RREB1: variants seen among roughly 807,000 people sequenced by gnomAD.
RREB1 encodes the protein ras-responsive element-binding protein 1.
In RREB1, 27 loss-of-function variants were observed where a neutral mutation model predicts 117.8. That is an observed-to-expected ratio of 0.23 (90% CI 0.17 to 0.32). The LOEUF (loss-of-function observed/expected upper bound fraction) is 0.32, where lower values mean the gene tolerates loss of function less well. Ranked by LOEUF, RREB1 falls within the 10% of genes least tolerant of loss-of-function variation. The pLI is 1.00. For missense variants in RREB1, 2,577 were observed against 2,378.2 expected, an observed-to-expected ratio of 1.08 and a Z score of -1.74; for synonymous variants, 1,298 against 1,026.7, an observed-to-expected ratio of 1.26 and a Z score of -5.05.
rs141939002 is a variant in RREB1 at position 7,230,351 on chromosome 6, C to G, written c.2252C>G (p.Pro751Arg). Residue 751 changes from proline (P) to arginine (R), a missense_variant, in exon 10 of 13, where the codon CCG becomes CGG. Coordinates refer to ENST00000379938, the MANE Select transcript of RREB1 (RefSeq NM_001003699.4). ...GAGCTGGTGGACGCCTTCTGCGCCC[C>G]GGACACCGTGTGCCGGCTGTGCGGC... is the stretch of plus-strand genomic sequence containing the variant. ...AAELVDAFCA[P>R]DTVCRLCGED... The G allele has an allele frequency of 1.3e-6, 2 of 1,591,180 alleles. No individual in the cohort carries two copies. The highest frequency in any genetic ancestry group is 1.7e-6 in the Non-Finnish European group (2 of 1,173,700).
rs1479127617 is a variant in RREB1, at chr6:7,246,444, A to C, written c.3994A>C (p.Thr1332Pro). The change falls in exon 12 of 13, where the codon ACT becomes CCT. Residue 1332 changes from threonine (T) to proline (P), a missense_variant. By Grantham distance (38) the Thr-to-Pro change is conservative. Transcript: ENST00000379938. Reference protein sequence around the residue: ...DSTDSQSDAETAAAAGEVLDL... With the variant: ...DSTDSQSDAEPAAAAGEVLDL... ...CACAGACAGTCAGTCGGATGCGGAG[A>C]CTGCAGCCGCCGCGGGCGAAGTGCT... 2 of 1,497,268 alleles carry C rather than the reference A, an allele frequency of 1.3e-6. No individual in the cohort carries two copies. The highest frequency in any genetic ancestry group is 2.6e-5 in the South Asian group (2 of 77,680). 92.7% of individuals were successfully genotyped at this position (1,497,268 alleles called of 1,614,324 possible). A position where few individuals can be genotyped will look rare whatever the true frequency, so the allele number is the denominator to read the frequency against.
At position 7,117,388 on chromosome 6, in the gene RREB1, G is replaced by GTTTTTTTTT. The variant is rs70978941; in HGVS notation, c.-285+9357_-285+9365dup. ...GGTGAACCATGTGAATAGGTTTCCT[G>GTTTTTTTTT]TTTTTTTTTTTTTTTTTTTTTTTTT... On this transcript the variant is annotated intron_variant, in intron 1 of 12. Transcript: ENST00000379938. 1.0e-3 allele frequency among the ~76,000 whole-genome samples: 64 copies of GTTTTTTTTT among 63,290 alleles called. 6 individuals are homozygous for GTTTTTTTTT. The highest frequency in any genetic ancestry group is 3.1e-3 in the East Asian group (3 of 976). The allele number at this position is 63,290 out of a possible 152,430, so 41.5% of individuals were successfully genotyped here.
In RREB1 at chr6:7,121,390, T is replaced by C. The variant is rs7356871; in HGVS notation, c.-285+13330T>C. On this transcript the variant is annotated intron_variant, in intron 1 of 12. Transcript: ENST00000379938. ...GACTCTCACAGTGGCTCAAACCTTT[T>C]ACTTAGGAGCATCAGAACTCATTTC... Among the ~76,000 whole-genome samples the C allele has an allele frequency of 4.4e-3, 677 of 152,302 alleles. 5 individuals carry two copies. Among genetic ancestry groups the C allele is most frequent in the Middle Eastern group, 0.017 (5 of 294 alleles).
At position 7,248,566 on chromosome 6, in the gene RREB1, C is replaced by T. The variant is rs751916367; in HGVS notation, c.4827C>T (p.Ser1609=). Reference sequence around the variant, plus strand: ...AGCGAACCTTCACCTTGAAGCACAGCCTGGTTCGCCACCAGCGGATCCACC... The same window carrying T: ...AGCGAACCTTCACCTTGAAGCACAGTCTGGTTCGCCACCAGCGGATCCACC... The part of the protein sequence containing the change: ...TCERTFTLKH[S]LVRHQRIHQK... The change falls in exon 13 of 13, where the codon AGC becomes AGT. Residue 1609 remains serine, a synonymous_variant. Transcript: ENST00000379938. 1 of 1,614,278 alleles carries T rather than the reference C, an allele frequency of 6.2e-7. No individual in the cohort carries two copies.
intron 1 of RREB1, among the ~76,000 whole-genome samples, chr6:7,127,574 A>G (rs1451374480): frequency 6.6e-6 from 1 of 152,174 alleles, no homozygotes; most frequent in African/African-American, 2.4e-5. Context: ...TCATTTCTCA[A>G]AAATATTGAG....
chr6:7,159,190 A>C (rs1000038055), intron 1 of RREB1, among the ~76,000 whole-genome samples: 15 of 152,194 alleles, frequency 9.9e-5, no homozygotes, highest in African/African-American at 3.4e-4. Context: ...TGCAAAACAA[A>C]CATTCTCCGT....
rs1561805018 is a variant in RREB1 at position 7,240,475 on chromosome 6, C to T, written c.3846C>T (p.Phe1282=). 9 of 1,613,950 alleles carry T rather than the reference C, an allele frequency of 5.6e-6. No homozygotes were observed. Among genetic ancestry groups the T allele is most frequent in the Non-Finnish European group, 7.6e-6 (9 of 1,179,946 alleles). Residue 1282 remains phenylalanine, a synonymous_variant, in exon 11 of 13, where the codon TTC becomes TTT. Coordinates refer to ENST00000379938, the MANE Select transcript of RREB1 (RefSeq NM_001003699.4). ...KPFPCQKCDA[F]FSTKSNCERH... is the part of the protein sequence containing the mutation. Reference sequence around the variant, plus strand: ...TCCCTTGTCAAAAATGCGATGCCTTCTTTTCTACCAAATCTAACTGTGAAC... The same window carrying T: ...TCCCTTGTCAAAAATGCGATGCCTTTTTTTCTACCAAATCTAACTGTGAAC...
chr6:7,111,507 GGA>G (rs1284570213), intron 1 of RREB1, among the ~76,000 whole-genome samples: 1 of 152,162 alleles, frequency 6.6e-6, no homozygotes, highest in African/African-American at 2.4e-5. Flanking sequence ...GAAGGTCATA[GGA>G]TAAGGGTTGC....
In RREB1 at chr6:7,250,739, C is replaced by T. The variant is rs1769372903; in HGVS notation, c.*1771C>T. On this transcript the variant is annotated 3_prime_UTR_variant, in exon 13 of 13. Transcript: ENST00000379938. ...CGCCACTTCACCAGTTTCTGAAATC[C>T]AACCTCCCAGACTTCACAGGAAGAT... 6.6e-6 allele frequency: 1 copy of T among 152,118 alleles called. No individual in the cohort carries two copies. Among genetic ancestry groups the T allele is most frequent in the Non-Finnish European group, 1.5e-5 (1 of 68,016 alleles). The allele number at this position is 152,118 out of a possible 1,614,324, so 9.4% of individuals were successfully genotyped here. A position where few individuals can be genotyped will look rare whatever the true frequency, so the allele number is the denominator to read the frequency against.
intron 1 of RREB1, among the ~76,000 whole-genome samples, chr6:7,142,720 G>A (rs918772009): frequency 2.0e-4 from 30 of 152,328 alleles, no homozygotes; most frequent in African/African-American, 7.2e-4. Context: ...GGGCAGGGAG[G>A]ACCCCAGCAC....
intron 1 of RREB1, among the ~76,000 whole-genome samples, chr6:7,108,309 C>T (rs1386319329): frequency 2.0e-5 from 3 of 149,534 alleles, no homozygotes; most frequent in African/African-American, 4.9e-5. Context: ...GGCTGCGCGC[C>T]GGGCCATTCC....
At chr6:7,240,956 A>T (rs1768669600) in intron 11 of RREB1, among the ~76,000 whole-genome samples, 1 of 152,176 alleles carries the variant, frequency 6.6e-6, no homozygotes, top group Non-Finnish European at 1.5e-5. Flanking sequence ...GTATGAACTC[A>T]TCTAAAGGGG....
At chr6:7,193,042 A>G (rs1396173890) in intron 6 of RREB1, among the ~76,000 whole-genome samples, 2 of 152,082 alleles carry the variant, frequency 1.3e-5, no homozygotes, top group Non-Finnish European at 2.9e-5. Flanking sequence ...TCTTTGACCC[A>G]TTGGTTATTT....
At chr6:7,240,960 A>G (rs1258908956) in intron 11 of RREB1, among the ~76,000 whole-genome samples, 1 of 152,096 alleles carries the variant, frequency 6.6e-6, no homozygotes, top group Non-Finnish European at 1.5e-5. Flanking sequence ...GAACTCATCT[A>G]AAGGGGATGT....
At chr6:7,117,398 T>G (rs1263601725) in intron 1 of RREB1, among the ~76,000 whole-genome samples, 349 of 29,470 alleles carry the variant, frequency 0.012, 4 homozygotes, top group Middle Eastern at 0.031. Context: ...GTTTTTTTTT[T>G]TTTTTTTTTT....
Position 7,246,812 on chromosome 6 carries a change from G to A in RREB1, c.4362G>A (p.Gly1454=). 2 of 1,553,896 alleles carry A rather than the reference G, an allele frequency of 1.3e-6. No homozygotes were observed. The highest frequency in any genetic ancestry group is 1.7e-6 in the Non-Finnish European group (2 of 1,149,132). The change falls in exon 12 of 13, where the codon GGG becomes GGA. Residue 1454 remains glycine (G), a synonymous_variant. Transcript: ENST00000379938. ...QEQKLACDTC[G]KSFKFLGTLS... Reference sequence around the variant, plus strand: ...AGAAGCTCGCCTGCGACACCTGTGGGAAGAGCTTCAAGTTCCTGGGCACCC... The same window carrying A: ...AGAAGCTCGCCTGCGACACCTGTGGAAAGAGCTTCAAGTTCCTGGGCACCC...
chr6:7,216,015 G>A (rs992951613), intron 8 of RREB1: 6 of 152,234 alleles, frequency 3.9e-5, no homozygotes, highest in Admixed American at 1.3e-4. Flanking sequence ...GGTGAAACTC[G>A]GCCAAAGTTA....
Position 7,229,270 on chromosome 6 carries a change from A to G in RREB1, c.1171A>G (p.Ile391Val), listed in dbSNP as rs754042440. The change falls in exon 10 of 13, where the codon ATT becomes GTT. Residue 391 changes from isoleucine (I) to valine (V), a missense_variant. Ile to Val is a conservative substitution (Grantham distance 29). Transcript: ENST00000379938. This position sits in a 1 kb window ranked among gnomAD's most constrained non-coding sequence, Gnocchi z 4.5. ...EEPLPDDNQA[I>V]QLQTLKCQLP... ...GCCCCTGCCGGATGACAACCAGGCA[A>G]TTCAGCTCCAGACACTCAAGTGTCA... is the stretch of plus-strand genomic sequence containing the variant. 53 of 1,613,936 alleles carry G rather than the reference A, an allele frequency of 3.3e-5. No homozygotes were observed. Among genetic ancestry groups the G allele is most frequent in the Admixed American group, 2.8e-4 (17 of 60,000 alleles).
At chr6:7,199,552 CT>C (rs1765833902) in intron 6 of RREB1, among the ~76,000 whole-genome samples, 1 of 152,150 alleles carries the variant, frequency 6.6e-6, no homozygotes, top group Admixed American at 6.5e-5. Context: ...TGTGCAAATC[CT>C]TATTATTTGA....
Sources: allele counts gnomAD v4.1 joint callset (sites outside exome capture counted in the v4.1 genomes callset), GRCh38; gene constraint gnomAD v4.1.1; non-coding constraint Gnocchi (gnomAD v3.1); transcripts MANE v1.5; gene names NCBI Gene and HGNC (gene_info 2026-07-23, HGNC 2026-07-21).